SPAG5: variants seen among roughly 807,000 people sequenced by gnomAD.
SPAG5 encodes the protein sperm-associated antigen 5.
In SPAG5, 99 loss-of-function variants were observed where a neutral mutation model predicts 145.4. The ratio of observed to expected loss-of-function variants is 0.68; its 90% CI spans 0.58 to 0.80. The LOEUF (loss-of-function observed/expected upper bound fraction) is 0.80. Among genes scored for constraint, SPAG5 ranks in the 30% least tolerant of loss-of-function variants. The pLI is 0.00. For missense variants in SPAG5, 1,192 were observed against 1,416.0 expected, an observed-to-expected ratio of 0.84 and a Z score of 2.54; for synonymous variants, 477 against 525.4, an observed-to-expected ratio of 0.91 and a Z score of 1.26.
At chr17:28,590,442 C>T (rs1024314984) in intron 4 of SPAG5, among the ~76,000 whole-genome samples, 2 of 152,002 alleles carry the variant, frequency 1.3e-5, no homozygotes, top group South Asian at 4.2e-4. Flanking sequence ...ACTTCTCAGG[C>T]TGGTCTTGAA....
At position 28,584,704 on chromosome 17, in the gene SPAG5, C is replaced by T; in HGVS notation, c.2109G>A (p.Glu703=). The T allele has an allele frequency of 6.2e-7, 1 of 1,614,192 alleles. No individual in the cohort carries two copies. Among genetic ancestry groups the T allele is most frequent in the Non-Finnish European group, 8.5e-7 (1 of 1,180,010 alleles). Residue 703 remains glutamate (E), a synonymous_variant, in exon 11 of 24, where the codon GAG becomes GAA. Coordinates refer to ENST00000321765, the MANE Select transcript of SPAG5 (RefSeq NM_006461.4). ...CCAGTTGTTCTGTTTGGCCTTTGCA[C>T]TCCTCTAACTGGGCAGAGACTTGTT... ...VLEQVSAQLE[E]CKGQTEQLEL...
intron 2 of SPAG5, among the ~76,000 whole-genome samples, chr17:28,593,711 A>C (rs963430905): frequency 1.3e-5 from 2 of 151,910 alleles, no homozygotes; most frequent in Non-Finnish European, 2.9e-5. Context: ...GTGACAGAGC[A>C]AAACCCTGTC....
At position 28,578,538 on chromosome 17, in the gene SPAG5, A is replaced by G. The variant is rs1419529073; in HGVS notation, c.3199-10T>C. On this transcript the variant is annotated splice_polypyrimidine_tract_variant and intron_variant, in intron 20 of 23. Transcript: ENST00000321765. ...CCTCCTCTCTAAGGCTCTGGGAATGAGAATGGAGAGGTGTCCAATAGGACA... is the reference window on the plus strand; with the variant it reads ...CCTCCTCTCTAAGGCTCTGGGAATGGGAATGGAGAGGTGTCCAATAGGACA... 1 of 1,609,822 alleles carries G rather than the reference A, an allele frequency of 6.2e-7. No individual in the cohort carries two copies. The highest frequency in any genetic ancestry group is 1.1e-5 in the South Asian group (1 of 91,080).
chr17:28,586,075 C>T lies in SPAG5; in HGVS notation c.1605+15G>A. Reference sequence around the variant, plus strand: ...TCCCACCACAGGCCTCCACCTCCATCTTCAGGCTGCTTACCTCCTGACTCA... The same window carrying T: ...TCCCACCACAGGCCTCCACCTCCATTTTCAGGCTGCTTACCTCCTGACTCA... On this transcript the variant is annotated intron_variant, in intron 6 of 23. Transcript: ENST00000321765. 1 of 1,613,750 alleles carries T rather than the reference C, an allele frequency of 6.2e-7. No individual in the cohort carries two copies. Among genetic ancestry groups the T allele is most frequent in the Non-Finnish European group, 8.5e-7 (1 of 1,179,608 alleles).
rs575381663 is a variant in SPAG5, at chr17:28,598,925, TCA to T, written c.20_21del (p.Leu7GlnfsTer21). The T allele has an allele frequency of 6.1e-4, 984 of 1,613,936 alleles. 15 individuals are homozygous for T. The South Asian group carries it at 0.01, about 17-fold the overall frequency. MWRVKK[L>X]SLSLSPSPQT... The stretch of plus-strand genomic sequence containing the variant: ...TGGGGCGAAGGCGACAGGCTGAGGC[TCA>T]GTTTTTTCACTCGCCACATCTTCAA... On this transcript the variant is annotated frameshift_variant, in exon 1 of 24. Coordinates refer to ENST00000321765, the MANE Select transcript of SPAG5 (RefSeq NM_006461.4). LOFTEE classifies it high-confidence loss of function.
rs761988224 is a variant in SPAG5 at position 28,583,947 on chromosome 17, C to G, written c.2452G>C (p.Gly818Arg). Residue 818 changes from glycine to arginine, a missense_variant, in exon 14 of 24, where the codon GGT (glycine) becomes CGT (arginine). Gly to Arg is a moderately radical substitution (Grantham distance 125, BLOSUM62 -2). Transcript: ENST00000321765. The stretch of plus-strand genomic sequence containing the variant: ...GTTTTCAATTGACACTCAACCTGAC[C>G]CAGCTCCAGGTGAGCAACCTGATTC... ...QENQVAHLEL[G>R]QVECQLKTTL... is the part of the protein sequence containing the mutation. The G allele has an allele frequency of 5.6e-6, 9 of 1,614,024 alleles. No individual in the cohort carries two copies. The highest frequency in any genetic ancestry group is 7.6e-6 in the Non-Finnish European group (9 of 1,180,040).
chr17:28,578,316 G>C, intron 21 of SPAG5, 24 bp from the exon 22 acceptor site: 25 of 1,614,058 alleles, frequency 1.5e-5, no homozygotes, highest in Non-Finnish European at 2.1e-5. Flanking sequence ...CAGATCAACA[G>C]GGGTACAGCC....
intron 15 of SPAG5, 54 bp downstream of exon 15, chr17:28,583,457 T>A (rs780852924): frequency 6.7e-7 from 1 of 1,497,396 alleles, no homozygotes; most frequent in African/African-American, 1.4e-5. Flanking sequence ...AGGAAGACTA[T>A]CTGTAAAATA....
chr17:28,588,164 GCA>G (rs552988861), intron 4 of SPAG5, among the ~76,000 whole-genome samples: 71 of 152,352 alleles, frequency 4.7e-4, no homozygotes, highest in African/African-American at 1.4e-3. Flanking sequence ...GTGAAATAAG[GCA>G]CAGAGTAGCA....
intron 8 of SPAG5, 23 bp downstream of exon 8, chr17:28,585,511 G>A (rs926756582): frequency 1.9e-6 from 3 of 1,613,796 alleles, no homozygotes; most frequent in Admixed American, 3.3e-5. Flanking sequence ...CAGACCCCAG[G>A]AAAGAAAATG....
chr17:28,579,576 T>C (rs1461698077), intron 17 of SPAG5, 91 bp from the exon 18 acceptor site: 5 of 1,475,536 alleles, frequency 3.4e-6, no homozygotes, highest in East Asian at 2.3e-5. Context: ...TTATCCGTGT[T>C]CCCCACCCAC....
Position 28,584,350 on chromosome 17 carries a change from A to G in SPAG5, c.2292T>C (p.Asn764=), listed in dbSNP as rs765170526. The change falls in exon 12 of 24, where the codon AAT becomes AAC. Residue 764 remains asparagine (N), a synonymous_variant. Coordinates refer to ENST00000321765, the MANE Select transcript of SPAG5 (RefSeq NM_006461.4). ...DELLCQLTQS[N]EEQAAQWQKE... The stretch of plus-strand genomic sequence containing the variant: ...GAACTCACTGAGCAGCCTGCTCCTC[A>G]TTGCTCTGGGTAAGCTGGCAGAGTA... 5 of 1,614,018 alleles carry G rather than the reference A, an allele frequency of 3.1e-6. No homozygotes were observed. In the African/African-American group the frequency reaches 5.3e-5, roughly 17 times the overall value.
chr17:28,593,378 T>C (rs1016425628), intron 2 of SPAG5, among the ~76,000 whole-genome samples: 4 of 152,144 alleles, frequency 2.6e-5, no homozygotes, highest in Non-Finnish European at 5.9e-5. Flanking sequence ...AACGCACTTC[T>C]AGATGAACAG....
chr17:28,580,680 C>T lies in SPAG5; in HGVS notation c.2686-560G>A, dbSNP rs956544328. 5 of 152,258 alleles carry T rather than the reference C, an allele frequency of 3.3e-5. No individual in the cohort carries two copies. In the East Asian group the frequency reaches 9.6e-4, roughly 29 times the overall value. The allele number at this position is 152,258 out of a possible 1,614,324, so 9.4% of individuals were successfully genotyped here. ...AGTCTCTCTCCTTTAAAGGCAGGCC[C>T]CACACCTTTCTGGTTATTTCTTCTC... On this transcript the variant is annotated intron_variant, in intron 15 of 23. Transcript: ENST00000321765.
chr17:28,597,957 C>G (rs1347120310), intron 2 of SPAG5, among the ~76,000 whole-genome samples: 1 of 152,198 alleles, frequency 6.6e-6, no homozygotes, highest in Non-Finnish European at 1.5e-5. Flanking sequence ...GAATCTTATA[C>G]AGGAGTCAAG....
At chr17:28,578,826 G>A (rs1298461858) in intron 19 of SPAG5, 74 bp from the exon 20 acceptor site, 4 of 1,241,404 alleles carry the variant, frequency 3.2e-6, no homozygotes, top group Admixed American at 1.7e-5. Flanking sequence ...AGGTAGGAGA[G>A]AGTGCCTGAC....
chr17:28,589,026 A>C (rs1278763170), intron 4 of SPAG5, among the ~76,000 whole-genome samples: 1 of 152,112 alleles, frequency 6.6e-6, no homozygotes. Context: ...TCCTGCAAAA[A>C]CTAAGTACCC....
rs765935917 is a variant in SPAG5 at position 28,585,406 on chromosome 17, C to A, written c.1866G>T (p.Gly622=). 6.2e-7 allele frequency: 1 copy of A among 1,614,160 alleles called. No homozygotes were observed. Among genetic ancestry groups the A allele is most frequent in the Admixed American group, 1.7e-5 (1 of 60,028 alleles). Reference sequence around the variant, plus strand: ...CCAGCTCTTCTTGCTTGGCATGAAGCCCTACCTACAAAAGAAAGATTGCCT... The same window carrying A: ...CCAGCTCTTCTTGCTTGGCATGAAGACCTACCTACAAAAGAAAGATTGCCT... ...LLKDAQTQLV[G]LHAKQEELVQ... Residue 622 remains glycine, a synonymous_variant, in exon 9 of 24, where the codon GGG becomes GGT. Coordinates refer to ENST00000321765, the MANE Select transcript of SPAG5 (RefSeq NM_006461.4).
rs1251290191 is a variant in SPAG5 at position 28,578,105 on chromosome 17, G to T, written c.3430-15C>A. ...AGGATATTTCTCTAGAAAGCAAACAGATTTTATAAGTCCTATGCATAAAAG... is the reference window on the plus strand; with the variant it reads ...AGGATATTTCTCTAGAAAGCAAACATATTTTATAAGTCCTATGCATAAAAG... On this transcript the variant is annotated splice_polypyrimidine_tract_variant and intron_variant, in intron 22 of 23. Transcript: ENST00000321765. 3 of 1,613,388 alleles carry T rather than the reference G, an allele frequency of 1.9e-6. No homozygotes were observed. The highest frequency in any genetic ancestry group is 3.3e-5 in the Admixed American group (2 of 60,006).
Sources: gnomAD v4.1 joint callset for allele counts (sites outside exome capture counted in the v4.1 genomes callset) on GRCh38, gnomAD v4.1.1 for gene constraint, MANE v1.5 for transcripts, NCBI Gene and HGNC (gene_info 2026-07-23, HGNC 2026-07-21) for gene names.